LIPA: variants seen among roughly 807,000 people sequenced by gnomAD.
The protein encoded by LIPA is lipase A, lysosomal acid type.
A neutral mutation model predicts 40.6 loss-of-function variants in LIPA; 26 were observed. That is an observed-to-expected ratio of 0.64 (90% CI 0.47 to 0.89). The LOEUF (loss-of-function observed/expected upper bound fraction) is 0.89. Ranked by LOEUF, LIPA falls within the 40% of genes least tolerant of loss-of-function variation. The pLI is 0.00. For synonymous variants in LIPA, 188 were observed against 168.4 expected, an observed-to-expected ratio of 1.12 and a Z score of -0.90; for missense variants, 455 against 479.6, an observed-to-expected ratio of 0.95 and a Z score of 0.48.
chr10:89,389,609 G>A (rs996249706), intron 2 of LIPA, among the ~76,000 whole-genome samples: 6 of 152,168 alleles, frequency 3.9e-5, no homozygotes, highest in Admixed American at 2.0e-4. Flanking sequence ...TTTCTATGGA[G>A]CCCATTCCTT....
At chr10:89,411,967 C>T (rs183721505) in intron 2 of LIPA, among the ~76,000 whole-genome samples, 1 of 152,280 alleles carries the variant, frequency 6.6e-6, no homozygotes, top group African/African-American at 2.4e-5. Flanking sequence ...TTTGTTTCCT[C>T]TAGAATTGAG....
In LIPA at chr10:89,289,781, C is replaced by T. The variant is rs192359197; in HGVS notation, c.-1-42132G>A. ...AAAGTATACTCTAATACTTTCACCC[C>T]GATGAAGTCCTATTCTTTACTTTTA... is the stretch of plus-strand genomic sequence containing the variant. On this transcript the variant is annotated intron_variant, in intron 1 of 5. Coordinates refer to the LIPA transcript ENST00000282673. 3.3e-5 allele frequency among the ~76,000 whole-genome samples: 5 copies of T among 152,198 alleles called. No individual in the cohort carries two copies. In the East Asian group the frequency reaches 5.8e-4, roughly 18 times the overall value.
intron 1 of LIPA, chr10:89,302,248 T>C (rs1204338011): frequency 2.0e-6 from 2 of 1,022,830 alleles, no homozygotes; most frequent in African/African-American, 1.6e-5. Context: ...ATAGCCTTAC[T>C]ATGCCTCTAC....
intron 2 of LIPA, among the ~76,000 whole-genome samples, chr10:89,365,369 A>AG (rs1392772898): frequency 6.6e-6 from 1 of 152,184 alleles, no homozygotes; most frequent in Non-Finnish European, 1.5e-5. Context: ...TCAGATGAGT[A>AG]CTTGCAAAAC....
upstream of LIPA, among the ~76,000 whole-genome samples, chr10:89,346,743 C>T (rs1843924929): frequency 6.6e-6 from 1 of 152,208 alleles, no homozygotes; most frequent in South Asian, 2.1e-4. Context: ...AAATCCTGAA[C>T]CAAGATCCAC....
intron 1 of LIPA, among the ~76,000 whole-genome samples, chr10:89,287,762 T>A (rs1843349269): frequency 6.6e-6 from 1 of 152,192 alleles, no homozygotes; most frequent in African/African-American, 2.4e-5. Context: ...TTAAAGCCTA[T>A]AAACTCTCCT....
intron 1 of LIPA, chr10:89,284,956 T>A (rs1375397974): frequency 6.6e-6 from 1 of 152,046 alleles, no homozygotes; most frequent in Non-Finnish European, 1.5e-5. Context: ...CGCCTTTGAC[T>A]GTAATTTTCC....
At chr10:89,225,278 T>G in intron 5 of LIPA, 50 bp from the exon 6 acceptor site, 2 of 1,611,912 alleles carry the variant, frequency 1.2e-6, no homozygotes, top group South Asian at 1.1e-5. Context: ...TGGGATTTCC[T>G]TCTCAGAAAA....
chr10:89,240,182 T>C (rs2902563), intron 3 of LIPA, among the ~76,000 whole-genome samples: 19,404 of 152,232 alleles, frequency 0.13, 1,525 homozygotes, highest in African/African-American at 0.21. Context: ...TTCTGTCCAT[T>C]GTAAACAAAT....
At chr10:89,267,688 C>A (rs1383294276) in intron 1 of LIPA, among the ~76,000 whole-genome samples, 1 of 144,394 alleles carries the variant, frequency 6.9e-6, no homozygotes, top group Non-Finnish European at 1.5e-5. Flanking sequence ...ATGTAACTAA[C>A]CTGCACAATG....
intron 3 of LIPA, among the ~76,000 whole-genome samples, chr10:89,238,926 C>T (rs963007893): frequency 2.0e-5 from 3 of 152,114 alleles, no homozygotes; most frequent in Admixed American, 1.3e-4. Context: ...CCCTAACCCC[C>T]ATGTTGTTAA....
At chr10:89,286,648 C>T (rs1843342956) in intron 1 of LIPA, among the ~76,000 whole-genome samples, 1 of 152,196 alleles carries the variant, frequency 6.6e-6, no homozygotes, top group African/African-American at 2.4e-5. Context: ...AGATGCTTTA[C>T]AGCCCTAGAC....
intron 1 of LIPA, among the ~76,000 whole-genome samples, chr10:89,268,680 T>C (rs1380986927): frequency 6.6e-6 from 1 of 152,206 alleles, no homozygotes; most frequent in Non-Finnish European, 1.5e-5. Context: ...TCATCTGGAG[T>C]TACAATGATT....
At chr10:89,290,180 G>A (rs1255091776) in intron 1 of LIPA, among the ~76,000 whole-genome samples, 1 of 151,984 alleles carries the variant, frequency 6.6e-6, no homozygotes, top group African/African-American at 2.4e-5. Context: ...AGATGTCCTG[G>A]GTCCTCCCAA....
chr10:89,346,090 TC>T (rs1843918765), upstream of LIPA, among the ~76,000 whole-genome samples: 2 of 152,240 alleles, frequency 1.3e-5, no homozygotes, highest in African/African-American at 4.8e-5. Flanking sequence ...AGCTCAGACT[TC>T]TCAATAGCAA....
chr10:89,362,764 GA>G, intron 2 of LIPA: 1 of 720,622 alleles, frequency 1.4e-6, no homozygotes, highest in Non-Finnish European at 2.2e-6. Flanking sequence ...GCGAAGTGTG[GA>G]GGAAAGAATT....
intron 1 of LIPA, among the ~76,000 whole-genome samples, chr10:89,324,727 T>A (rs547406985): frequency 6.6e-6 from 1 of 152,332 alleles, no homozygotes; most frequent in South Asian, 2.1e-4. Flanking sequence ...CAGACACTTT[T>A]TAAAAGAAGA....
intron 2 of LIPA, chr10:89,392,466 T>TCCCCCCCCCCCC (rs759696601): frequency 1.0e-5 from 3 of 287,686 alleles, no homozygotes; most frequent in South Asian, 5.5e-5. Context: ...AAAGTTTCAT[T>TCCCCCCCCCCCC]CCCCACCCCC....
chr10:89,400,623 T>C (rs959442910), intron 2 of LIPA, among the ~76,000 whole-genome samples: 1 of 152,232 alleles, frequency 6.6e-6, no homozygotes, highest in Admixed American at 6.5e-5. Context: ...CATGTAGATT[T>C]TGTATCCTGC....
Sources: allele counts gnomAD v4.1 joint callset (sites outside exome capture counted in the v4.1 genomes callset), GRCh38; gene constraint gnomAD v4.1.1; transcripts MANE v1.5; gene names NCBI Gene and HGNC (gene_info 2026-07-23, HGNC 2026-07-21).